TBXT: variants seen among roughly 807,000 people sequenced by gnomAD.
The protein encoded by TBXT is T-box transcription factor T.
Under a neutral mutation model 41.1 loss-of-function variants are expected in TBXT, and 19 were observed. The ratio of observed to expected loss-of-function variants is 0.46; its 90% confidence interval spans 0.32 to 0.68. TBXT has a LOEUF of 0.68. Ranked by LOEUF, TBXT falls within the 30% of genes least tolerant of loss-of-function variation. The probability of loss-of-function intolerance (pLI) is 0.03; values close to 1 mark genes in which losing one functional copy is unlikely to be tolerated. For synonymous variants in TBXT, 213 were observed against 238.9 expected, an observed-to-expected ratio of 0.89 and a Z score of 1.00; for missense variants, 536 against 582.0, an observed-to-expected ratio of 0.92 and a Z score of 0.81.
In TBXT at chr6:166,158,678, G is replaced by A; in HGVS notation, c.1038-90C>T. The A allele has an allele frequency of 2.9e-6, 4 of 1,384,748 alleles. 1 individual carries two copies. The South Asian group carries it at 6.2e-5, about 21-fold the overall frequency. 85.8% of individuals were successfully genotyped at this position (1,384,748 alleles called of 1,614,324 possible). A position where few individuals can be genotyped will look rare whatever the true frequency, so the allele number is the denominator to read the frequency against. On this transcript the variant is annotated intron_variant, in intron 7 of 7. Transcript: ENST00000366876. Reference sequence around the variant, plus strand: ...AAACACACCAGAAATCCCATTCGGAGTGACTGTGTAATATGACAGTTTTCT... The same window carrying A: ...AAACACACCAGAAATCCCATTCGGAATGACTGTGTAATATGACAGTTTTCT...
At chr6:166,165,952 G>T in intron 2 of TBXT, 112 bp from the exon 3 acceptor site, 1 of 1,517,648 alleles carries the variant, frequency 6.6e-7, no homozygotes, top group Non-Finnish European at 9.1e-7. Flanking sequence ...AAGTGTCTCT[G>T]CTGTTGAGGG....
intron 6 of TBXT, 57 bp downstream of exon 6, chr6:166,162,390 C>T (rs1454700612): frequency 6.3e-7 from 1 of 1,599,682 alleles, no homozygotes; most frequent in Non-Finnish European, 8.6e-7. Flanking sequence ...AATGCCTTTC[C>T]CAAAGTGGTC....
At position 166,162,582 on chromosome 6, in the gene TBXT, G is replaced by A. The variant is rs768592312; in HGVS notation, c.772C>T (p.Pro258Ser). The change falls in exon 6 of 8, where the codon CCT (proline) becomes TCT (serine). Residue 258 changes from proline (P) to serine (S), a missense_variant. Transcript: ENST00000366876. The stretch of plus-strand genomic sequence containing the variant: ...CCAAACTGAGGATGAGGATTTGCAG[G>A]TGGACACAGGGTGCTGGTTCCAGGA... ...LLPGTSTLCP[P>S]ANPHPQFGGA... is the part of the protein sequence containing the mutation. 8 of 1,614,150 alleles carry A rather than the reference G, an allele frequency of 5.0e-6. No homozygotes were observed. The South Asian group carries it at 6.6e-5, about 13-fold the overall frequency.
chr6:166,161,881 C>T (rs997525835), intron 6 of TBXT, among the ~76,000 whole-genome samples: 2 of 152,194 alleles, frequency 1.3e-5, no homozygotes, highest in Admixed American at 6.5e-5. Context: ...CGAGATCGTG[C>T]GACTGCACTC....
At chr6:166,168,331 T>TCC (rs1350350781), upstream of TBXT, 2 of 152,188 alleles carry the variant, frequency 1.3e-5, no homozygotes, top group Non-Finnish European at 2.9e-5. Context: ...GCCTCACCTG[T>TCC]CCCCGCTCCA....
chr6:166,167,402 C>G lies in TBXT; in HGVS notation c.190G>C (p.Val64Leu). 2.5e-6 allele frequency: 4 copies of G among 1,613,116 alleles called. No individual in the cohort carries two copies. Among genetic ancestry groups the G allele is most frequent in the South Asian group, 2.2e-5 (2 of 91,084 alleles). ...CGCACCCACCTGCCGTTCTTGGTCA[C>G]GATCATCTCATTGGTGAGCTCCTTG... ...RFKELTNEMI[V>L]TKNGRRMFPV... Residue 64 changes from valine (V) to leucine (L), a missense_variant, in exon 1 of 8, where the codon GTG becomes CTG. Coordinates refer to ENST00000366876, the MANE Select transcript of TBXT (RefSeq NM_001366285.2).
intron 6 of TBXT, among the ~76,000 whole-genome samples, chr6:166,161,877 C>T (rs1778967182): frequency 1.3e-5 from 2 of 152,188 alleles, no homozygotes. Flanking sequence ...GAGCCGAGAT[C>T]GTGCGACTGC....
intron 2 of TBXT, among the ~76,000 whole-genome samples, chr6:166,166,077 A>G (rs1779100871): frequency 6.6e-6 from 1 of 152,344 alleles, no homozygotes. Context: ...AATGCTCATC[A>G]CAAAATCCTT....
upstream of TBXT, chr6:166,168,462 T>A (rs1779216462): frequency 6.6e-6 from 1 of 152,368 alleles, no homozygotes; most frequent in Admixed American, 6.5e-5. Context: ...CTCTCCAGTC[T>A]GGCAGTTTCC....
intron 7 of TBXT, among the ~76,000 whole-genome samples, chr6:166,159,315 C>A (rs1270523097): frequency 6.6e-6 from 1 of 152,176 alleles, no homozygotes; most frequent in East Asian, 1.9e-4. Flanking sequence ...ACCCCACCCC[C>A]ACCACCGCAG....
intron 5 of TBXT, among the ~76,000 whole-genome samples, chr6:166,163,993 G>A (rs531794883): frequency 2.0e-4 from 30 of 152,350 alleles, no homozygotes; most frequent in African/African-American, 6.7e-4. Flanking sequence ...GTGCTACCGC[G>A]TTCATTGTTT....
chr6:166,161,014 G>T lies in TBXT; in HGVS notation c.908-48C>A, dbSNP rs764165056. The T allele has an allele frequency of 4.4e-6, 7 of 1,609,190 alleles. No homozygotes were observed. The South Asian group carries it at 6.6e-5, about 15-fold the overall frequency. Reference sequence around the variant, plus strand: ...TGCAATTATAGATGGTGTCTTCCAAGAACAACAAAGTACAGTGAAATACCA... The same window carrying T: ...TGCAATTATAGATGGTGTCTTCCAATAACAACAAAGTACAGTGAAATACCA... On this transcript the variant is annotated intron_variant, in intron 6 of 7. Transcript: ENST00000366876.
chr6:166,158,633 C>A, intron 7 of TBXT, 45 bp from the exon 8 acceptor site: 1 of 1,454,404 alleles, frequency 6.9e-7, no homozygotes, highest in Non-Finnish European at 9.1e-7. Context: ...GCAGGGGCTG[C>A]AGGCCAGCTA....
rs1321679784 is a variant in TBXT at position 166,164,629 on chromosome 6, T to C, written c.706A>G (p.Ser236Gly). 3 of 1,614,140 alleles carry C rather than the reference T, an allele frequency of 1.9e-6. No individual in the cohort carries two copies. The East Asian group carries it at 6.7e-5, about 36-fold the overall frequency. The change falls in exon 5 of 8, where the codon AGC becomes GGC. Residue 236 changes from serine (S) to glycine (G), a missense_variant. Transcript: ENST00000366876. ...CATTGGGAGTACCCAGGTTGCTGGCTGTCTCCGGGTTCCTCCATCATCTCT... is the reference window on the plus strand; with the variant it reads ...CATTGGGAGTACCCAGGTTGCTGGCCGTCTCCGGGTTCCTCCATCATCTCT... ...HKEMMEEPGD[S>G]QQPGYSQSGG...
intron 7 of TBXT, among the ~76,000 whole-genome samples, chr6:166,159,200 C>CTCAGT (rs1487327077): frequency 6.6e-6 from 1 of 152,308 alleles, no homozygotes; most frequent in African/African-American, 2.4e-5. Flanking sequence ...AAAAGAAAGA[C>CTCAGT]TCAGACCAGT....
In TBXT at chr6:166,158,227, C is replaced by A. The variant is rs1582962987; in HGVS notation, c.*88G>T. On this transcript the variant is annotated 3_prime_UTR_variant, in exon 8 of 8. Coordinates refer to ENST00000366876, the MANE Select transcript of TBXT (RefSeq NM_001366285.2). ...GCATTTCCTTCTTAACCTGAGACTG[C>A]CACTGGGTACCTAGTAGGTCAATCC... is the stretch of plus-strand genomic sequence containing the variant. 3 of 1,600,946 alleles carry A rather than the reference C, an allele frequency of 1.9e-6. No individual in the cohort carries two copies. Among genetic ancestry groups the A allele is most frequent in the Non-Finnish European group, 2.6e-6 (3 of 1,168,918 alleles).
chr6:166,162,630 GA>G lies in TBXT; in HGVS notation c.731-8del, dbSNP rs770165776. 2 of 1,608,008 alleles carry G rather than the reference GA, an allele frequency of 1.2e-6. No individual in the cohort carries two copies. The highest frequency in any genetic ancestry group is 4.5e-5 in the East Asian group (2 of 44,736). The stretch of plus-strand genomic sequence containing the variant: ...GGAAGAAGCCACCCCCCTGCTGTGA[GA>G]AAAGACAGTGCTGAGTAACCTGCAT... On this transcript the variant is annotated splice_polypyrimidine_tract_variant and splice_region_variant and intron_variant, in intron 5 of 7. Transcript: ENST00000366876.
At chr6:166,161,749 C>G (rs984928408) in intron 6 of TBXT, among the ~76,000 whole-genome samples, 1 of 152,170 alleles carries the variant, frequency 6.6e-6, no homozygotes, top group African/African-American at 2.4e-5. Flanking sequence ...GGTGAAACCC[C>G]GTCTCTACTA....
At chr6:166,164,169 A>G (rs997395268) in intron 5 of TBXT, among the ~76,000 whole-genome samples, 1 of 152,172 alleles carries the variant, frequency 6.6e-6, no homozygotes, top group Non-Finnish European at 1.5e-5. Flanking sequence ...GAGCCACAGG[A>G]GCTGGTGAGA....
Sources: gnomAD v4.1 joint callset for allele counts (sites outside exome capture counted in the v4.1 genomes callset) on GRCh38, gnomAD v4.1.1 for gene constraint, MANE v1.5 for transcripts, NCBI Gene and HGNC (gene_info 2026-07-23, HGNC 2026-07-21) for gene names.